The following TRADD variants were observed in gnomAD, a reference collection of about 807,000 sequenced individuals.
The protein encoded by TRADD is TNFRSF1A associated via death domain, also known as tumor necrosis factor receptor type 1-associated DEATH domain protein.
A neutral mutation model predicts 31.5 loss-of-function variants in TRADD; 14 were observed. That is an observed-to-expected ratio of 0.44 (90% CI 0.29 to 0.69). TRADD has a LOEUF of 0.69. Ranked by LOEUF, TRADD falls within the 30% of genes least tolerant of loss-of-function variation. TRADD has a pLI of 0.11. For synonymous variants in TRADD, 220 were observed against 215.8 expected, an observed-to-expected ratio of 1.02 and a Z score of -0.17; for missense variants, 388 against 435.7, an observed-to-expected ratio of 0.89 and a Z score of 0.97.
intron 3 of TRADD, 38 bp from the exon 4 acceptor site, chr16:67,155,332 C>G: frequency 6.2e-7 from 1 of 1,606,670 alleles, no homozygotes; most frequent in Non-Finnish European, 8.5e-7. Flanking sequence ...GGGACTTAAC[C>G]GCGGATCCCC....
Position 67,156,300 on chromosome 16 carries a change from G to A in TRADD, c.151+210C>T. On this transcript the variant is annotated intron_variant, in intron 2 of 4. Transcript: ENST00000345057. The surrounding 1 kb of genome is among the most constrained non-coding windows in gnomAD (Gnocchi z 4.6). ...CGGGGATGGAGCAAAGGACGTTAGT[G>A]CACAAATTGGTAAATCATACACAGA... 8.9e-7 allele frequency: 1 copy of A among 1,128,140 alleles called. No homozygotes were observed. Among genetic ancestry groups the A allele is most frequent in the South Asian group, 1.5e-5 (1 of 67,198 alleles). 69.9% of individuals were successfully genotyped at this position (1,128,140 alleles called of 1,614,324 possible). A position where few individuals can be genotyped will look rare whatever the true frequency, so the allele number is the denominator to read the frequency against.
intron 2 of TRADD, 61 bp from the exon 3 acceptor site, chr16:67,155,715 C>T: frequency 1.3e-6 from 2 of 1,509,330 alleles, no homozygotes; most frequent in Non-Finnish European, 1.8e-6. Flanking sequence ...TCCAAACGGC[C>T]GGAGGAGGGG....
In TRADD at chr16:67,155,237, T is replaced by G; in HGVS notation, c.487A>C (p.Lys163Gln). 3 of 1,606,980 alleles carry G rather than the reference T, an allele frequency of 1.9e-6. No homozygotes were observed. Among genetic ancestry groups the G allele is most frequent in the Non-Finnish European group, 2.5e-6 (3 of 1,177,716 alleles). Residue 163 changes from lysine to glutamine, a missense_variant, in exon 4 of 5, where the codon AAG (lysine) becomes CAG (glutamine). By Grantham distance (53) the Lys-to-Gln change is moderately conservative. Transcript: ENST00000345057. ...CCACCCCGGGCCCCCGAGCCGCACT[T>G]CAGATTTCGCAGCGCATCCTCCAGC... ...AELEDALRNL[K>Q]CGSGARGGDG... is the part of the protein sequence containing the mutation.
At position 67,156,340 on chromosome 16, in the gene TRADD, C is replaced by T; in HGVS notation, c.151+170G>A. 1.7e-6 allele frequency: 2 copies of T among 1,198,790 alleles called. No homozygotes were observed. Among genetic ancestry groups the T allele is most frequent in the Non-Finnish European group, 2.3e-6 (2 of 851,964 alleles). The allele number at this position is 1,198,790 out of a possible 1,614,324, so 74.3% of individuals were successfully genotyped here. A position where few individuals can be genotyped will look rare whatever the true frequency, so the allele number is the denominator to read the frequency against. On this transcript the variant is annotated intron_variant, in intron 2 of 4. Transcript: ENST00000345057. The surrounding 1 kb of genome is among the most constrained non-coding windows in gnomAD (Gnocchi z 4.6). The stretch of plus-strand genomic sequence containing the variant: ...TCATACACAGACTCGAGAACACACG[C>T]CTATCCTCAAGGTCATGCCACAAGC...
chr16:67,154,958 C>A lies in TRADD; in HGVS notation c.630G>T (p.Val210=). ...GGTCCTTCAGGCTCAGCGGCCGATTCACTGCAGAGGGAGTGGGGAAACGGG... is the reference window on the plus strand; with the variant it reads ...GGTCCTTCAGGCTCAGCGGCCGATTAACTGCAGAGGGAGTGGGGAAACGGG... ...QTFLFQGQPV[V]NRPLSLKDQQ... The change falls in exon 5 of 5, where the codon GTG becomes GTT. Residue 210 remains valine (V), a splice_region_variant and synonymous_variant. Coordinates refer to ENST00000345057, the MANE Select transcript of TRADD (RefSeq NM_003789.4). The surrounding 1 kb of genome is among the most constrained non-coding windows in gnomAD (Gnocchi z 5.2). The A allele has an allele frequency of 6.2e-7, 1 of 1,608,910 alleles. No individual in the cohort carries two copies. The highest frequency in any genetic ancestry group is 2.2e-5 in the East Asian group (1 of 44,694).
Position 67,159,311 on chromosome 16 carries a change from C to T in TRADD, c.-9+527G>A, listed in dbSNP as rs1048289670. Among the ~76,000 whole-genome samples the T allele has an allele frequency of 6.6e-6, 1 of 152,228 alleles. No individual in the cohort carries two copies. The highest frequency in any genetic ancestry group is 6.5e-5 in the Admixed American group (1 of 15,290). ...TGCGCCTGTTTCCAGGGACGAGCCA[C>T]GCACGGTGCCCCCTGAACACCTAAC... On this transcript the variant is annotated intron_variant, in intron 1 of 4. Transcript: ENST00000345057. The surrounding 1 kb of genome is among the most constrained non-coding windows in gnomAD (Gnocchi z 6.8).
chr16:67,158,706 C>A (rs528115008), intron 1 of TRADD, among the ~76,000 whole-genome samples: 1 of 152,110 alleles, frequency 6.6e-6, no homozygotes, highest in African/African-American at 2.4e-5. Context: ...TCTTTAAAAG[C>A]AAAACAAGAA....
intron 1 of TRADD, among the ~76,000 whole-genome samples, chr16:67,157,155 C>T (rs2030728097): frequency 6.6e-6 from 1 of 152,200 alleles, no homozygotes; most frequent in Non-Finnish European, 1.5e-5. Flanking sequence ...GACTAAACCT[C>T]CTGTCTTCAC....
Position 67,156,640 on chromosome 16 carries a change from C to T in TRADD, c.21G>A (p.Gly7=), listed in dbSNP as rs762948056. 4.4e-5 allele frequency: 71 copies of T among 1,613,928 alleles called. No homozygotes were observed. The highest frequency in any genetic ancestry group is 1.6e-4 in the Middle Eastern group (1 of 6,084). Residue 7 remains glycine (G), a synonymous_variant, in exon 2 of 5, where the codon GGG becomes GGA. Coordinates refer to ENST00000345057, the MANE Select transcript of TRADD (RefSeq NM_003789.4). This position sits in a 1 kb window ranked among gnomAD's most constrained non-coding sequence, Gnocchi z 4.6. The part of the protein sequence containing the change: MAAGQN[G]HEEWVGSAYL... The stretch of plus-strand genomic sequence containing the variant: ...ATGCGCTGCCCACCCACTCTTCGTG[C>T]CCATTTTGCCCAGCTGCCATCTCAC...
intron 1 of TRADD, among the ~76,000 whole-genome samples, chr16:67,157,358 G>A (rs918292162): frequency 2.6e-5 from 4 of 152,170 alleles, no homozygotes; most frequent in African/African-American, 9.7e-5. Flanking sequence ...AGTTCAGGGC[G>A]GGGTATAGGA....
Position 67,155,314 on chromosome 16 carries a change from C to T in TRADD, c.430-20G>A, listed in dbSNP as rs779684573. The T allele has an allele frequency of 1.9e-5, 30 of 1,609,498 alleles. No homozygotes were observed. The South Asian group carries it at 2.9e-4, about 15-fold the overall frequency. ...GTCGGGCTAGGGGAATGGAACGTGC[C>T]GTCACGGGGGACTTAACCGCGGATC... On this transcript the variant is annotated intron_variant, in intron 3 of 4. Coordinates refer to ENST00000345057, the MANE Select transcript of TRADD (RefSeq NM_003789.4).
At chr16:67,158,507 G>A (rs147437238) in intron 1 of TRADD, among the ~76,000 whole-genome samples, 7 of 151,456 alleles carry the variant, frequency 4.6e-5, no homozygotes, top group Non-Finnish European at 8.8e-5. Context: ...GTGTACTTAC[G>A]CCAAACCACA....
Position 67,154,752 on chromosome 16 carries a change from C to T in TRADD, c.836G>A (p.Arg279His). 6.2e-7 allele frequency: 1 copy of T among 1,607,432 alleles called. No homozygotes were observed. Among genetic ancestry groups the T allele is most frequent in the Non-Finnish European group, 8.5e-7 (1 of 1,177,556 alleles). Residue 279 changes from arginine (R) to histidine (H), a missense_variant, in exon 5 of 5, where the codon CGC becomes CAC. Coordinates refer to ENST00000345057, the MANE Select transcript of TRADD (RefSeq NM_003789.4). The surrounding 1 kb of genome is among the most constrained non-coding windows in gnomAD (Gnocchi z 5.2). The part of the protein sequence containing the change: ...LRRFVQAEGR[R>H]ATLQRLVEAL... Reference sequence around the variant, plus strand: ...CTCCACCAGGCGCTGCAGCGTGGCGCGGCGGCCCTCGGCCTGCACGAAGCG... The same window carrying T: ...CTCCACCAGGCGCTGCAGCGTGGCGTGGCGGCCCTCGGCCTGCACGAAGCG...
chr16:67,154,600 G>A lies in TRADD; in HGVS notation c.*49C>T, dbSNP rs1278291461. 1.9e-6 allele frequency: 3 copies of A among 1,588,914 alleles called. No homozygotes were observed. Among genetic ancestry groups the A allele is most frequent in the Non-Finnish European group, 2.6e-6 (3 of 1,169,020 alleles). On this transcript the variant is annotated 3_prime_UTR_variant, in exon 5 of 5. Coordinates refer to ENST00000345057, the MANE Select transcript of TRADD (RefSeq NM_003789.4). The surrounding 1 kb of genome is among the most constrained non-coding windows in gnomAD (Gnocchi z 5.2). ...CAGGGGTTCAGCAATAGCCGCAGAAGGAACCCTAAGGCCATCCAGGTTCTC... is the reference window on the plus strand; with the variant it reads ...CAGGGGTTCAGCAATAGCCGCAGAAAGAACCCTAAGGCCATCCAGGTTCTC...
At position 67,155,288 on chromosome 16, in the gene TRADD, G is replaced by A. The variant is rs761557118; in HGVS notation, c.436C>T (p.Arg146Trp). The change falls in exon 4 of 5, where the codon CGG becomes TGG. Residue 146 changes from arginine (R) to tryptophan (W), a missense_variant. Physicochemically the swap from Arg to Trp is moderately radical, Grantham distance 101 (BLOSUM62 -3). Transcript: ENST00000345057. Reference sequence around the variant, plus strand: ...TCAGCCAGTTCTTCATCCCGGAGCCGGTCGGGCTAGGGGAATGGAACGTGC... The same window carrying A: ...TCAGCCAGTTCTTCATCCCGGAGCCAGTCGGGCTAGGGGAATGGAACGTGC... The part of the protein sequence containing the change: ...LSCILAQQPD[R>W]LRDEELAELE... 1 of 1,610,226 alleles carries A rather than the reference G, an allele frequency of 6.2e-7. No homozygotes were observed. Among genetic ancestry groups the A allele is most frequent in the Non-Finnish European group, 8.5e-7 (1 of 1,179,320 alleles).
At chr16:67,158,317 C>T (rs1024070715) in intron 1 of TRADD, among the ~76,000 whole-genome samples, 1 of 152,200 alleles carries the variant, frequency 6.6e-6, no homozygotes, top group Non-Finnish European at 1.5e-5. Flanking sequence ...AGGCACACGC[C>T]GCCATGCCTG....
In TRADD at chr16:67,156,111, C is replaced by G. The variant is rs1218519981; in HGVS notation, c.151+399G>C. 7.4e-7 allele frequency: 1 copy of G among 1,349,476 alleles called. No homozygotes were observed. The highest frequency in any genetic ancestry group is 9.7e-7 in the Non-Finnish European group (1 of 1,029,200). 83.6% of individuals were successfully genotyped at this position (1,349,476 alleles called of 1,614,324 possible). A position where few individuals can be genotyped will look rare whatever the true frequency, so the allele number is the denominator to read the frequency against. On this transcript the variant is annotated intron_variant, in intron 2 of 4. Coordinates refer to ENST00000345057, the MANE Select transcript of TRADD (RefSeq NM_003789.4). The surrounding 1 kb of genome is among the most constrained non-coding windows in gnomAD (Gnocchi z 4.6). The stretch of plus-strand genomic sequence containing the variant: ...TGAGGCCACGAACAGATCCCCCAAC[C>G]CGCTTCAGCCTCCTGTGGCCTCTGC...
In TRADD at chr16:67,154,982, G is replaced by T. The variant is rs757139806; in HGVS notation, c.629-23C>A. The T allele has an allele frequency of 3.2e-5, 52 of 1,601,330 alleles. 1 individual carries two copies. In the Admixed American group the frequency reaches 8.0e-4, roughly 25 times the overall value. ...TCACTGCAGAGGGAGTGGGGAAACG[G>T]GGTGAGGGCGGGGACCCCCAGCGCC... On this transcript the variant is annotated intron_variant, in intron 4 of 4. Transcript: ENST00000345057. This position sits in a 1 kb window ranked among gnomAD's most constrained non-coding sequence, Gnocchi z 5.2.
chr16:67,155,882 C>T, intron 2 of TRADD: 1 of 1,520,432 alleles, frequency 6.6e-7, no homozygotes, highest in Non-Finnish European at 8.8e-7. Context: ...GAGTGGGTGC[C>T]ACCTAACCCC....
Sources: gnomAD v4.1 joint callset for allele counts (sites outside exome capture counted in the v4.1 genomes callset) on GRCh38, gnomAD v4.1.1 for gene constraint, Gnocchi (gnomAD v3.1) non-coding constraint, MANE v1.5 for transcripts, NCBI Gene and HGNC (gene_info 2026-07-23, HGNC 2026-07-21) for gene names.